The following NTNG2 variants were observed in gnomAD, a reference collection of about 807,000 sequenced individuals.
NTNG2 encodes the protein netrin-G2.
In NTNG2, 15 loss-of-function variants were observed where a neutral mutation model predicts 47.6. The observed-to-expected ratio is 0.32, with a 90% CI of 0.21 to 0.49. NTNG2 has a LOEUF of 0.49. NTNG2 is among the 20% of genes least tolerant of loss of function. The pLI is 0.99. For missense variants in NTNG2, 578 were observed against 764.6 expected (o/e 0.76, Z 2.88); for synonymous variants, 307 against 324.6 (o/e 0.95, Z 0.58).
intron 3 of NTNG2, among the ~76,000 whole-genome samples, chr9:132,211,710 C>T (rs1191632548): frequency 6.6e-6 from 1 of 152,186 alleles, no homozygotes; most frequent in Non-Finnish European, 1.5e-5. Flanking sequence ...GAGACCTGTG[C>T]AACCAGCCCC....
In NTNG2 at chr9:132,237,850, G is replaced by A. The variant is rs916268458; in HGVS notation, c.1055-1254G>A. Among the ~76,000 whole-genome samples, 6 of 152,328 alleles carry A rather than the reference G, an allele frequency of 3.9e-5. No individual in the cohort carries two copies. The East Asian group carries it at 1.2e-3, about 29-fold the overall frequency. On this transcript the variant is annotated intron_variant, in intron 5 of 7. Transcript: ENST00000393229. The stretch of plus-strand genomic sequence containing the variant: ...GTTGAAGCAGAATCTGGGACACACG[G>A]GTCACCGATGCTGCTCTTTGGGACA...
intron 2 of NTNG2, among the ~76,000 whole-genome samples, chr9:132,172,919 C>T (rs1836040337): frequency 6.6e-6 from 1 of 151,860 alleles, no homozygotes; most frequent in Non-Finnish European, 1.5e-5. Context: ...TTAGTAGAGA[C>T]GGGGTTTCAC....
intron 2 of NTNG2, among the ~76,000 whole-genome samples, chr9:132,169,734 G>A (rs769061259): frequency 3.9e-5 from 6 of 152,206 alleles, no homozygotes; most frequent in South Asian, 2.1e-4. Context: ...CAGCCCGGCC[G>A]TGCTGCCGTG....
intron 5 of NTNG2, chr9:132,233,330 TG>T (rs1440231087): frequency 7.1e-6 from 1 of 141,806 alleles, no homozygotes; most frequent in Non-Finnish European, 1.6e-5. Flanking sequence ...CACACGCACA[TG>T]TACACACACA....
chr9:132,219,742 A>G (rs1840231357), intron 3 of NTNG2, among the ~76,000 whole-genome samples: 1 of 151,994 alleles, frequency 6.6e-6, no homozygotes, highest in African/African-American at 2.4e-5. Context: ...CTGCTTACAC[A>G]TTTTGTTTTT....
intron 3 of NTNG2, among the ~76,000 whole-genome samples, chr9:132,220,632 TTAG>T (rs1358462413): frequency 6.6e-6 from 1 of 152,074 alleles, no homozygotes; most frequent in African/African-American, 2.4e-5. Flanking sequence ...TTTTGTGATT[TTAG>T]TAGAGACGGG....
intron 3 of NTNG2, among the ~76,000 whole-genome samples, chr9:132,204,893 T>C (rs576741656): frequency 6.6e-6 from 1 of 152,020 alleles, no homozygotes; most frequent in African/African-American, 2.4e-5. Flanking sequence ...CTGGGCAATA[T>C]AGTGAGACCC....
In NTNG2 at chr9:132,241,045, G is replaced by A. The variant is rs1454309371; in HGVS notation, c.1357+1G>A. On this transcript the variant is annotated splice_donor_variant, in intron 7 of 7. Transcript: ENST00000393229. LOFTEE classifies it high-confidence loss of function. Reference sequence around the variant, plus strand: ...CACTACTGGCGCCAGGGCTGCTACCGTGAGTGCGCGCCGTCCCCCGTGGGC... The same window carrying A: ...CACTACTGGCGCCAGGGCTGCTACCATGAGTGCGCGCCGTCCCCCGTGGGC... 1 of 1,595,630 alleles carries A rather than the reference G, an allele frequency of 6.3e-7. No homozygotes were observed. The highest frequency in any genetic ancestry group is 8.5e-7 in the Non-Finnish European group (1 of 1,175,468).
Position 132,226,963 on chromosome 9 carries a change from C to G in NTNG2, c.972C>G (p.Arg324=), listed in dbSNP as rs573194841. Residue 324 remains arginine (R), a synonymous_variant, in exon 4 of 8, where the codon CGC becomes CGG. Transcript: ENST00000393229. This position sits in a 1 kb window ranked among gnomAD's most constrained non-coding sequence, Gnocchi z 4.8. ...PDCGKCKKNF[R]TRSWRAGSYL... ...GCGGCAAGTGCAAGAAGAATTTCCG[C>G]ACCCGGTCCTGGCGGGCCGGCTCCT... is the stretch of plus-strand genomic sequence containing the variant. 6.2e-7 allele frequency: 1 copy of G among 1,612,318 alleles called. No homozygotes were observed.
At position 132,197,464 on chromosome 9, in the gene NTNG2, C is replaced by A. The variant is rs1838396858; in HGVS notation, c.214-502C>A. On this transcript the variant is annotated intron_variant, in intron 2 of 7. Transcript: ENST00000393229. This position sits in a 1 kb window ranked among gnomAD's most constrained non-coding sequence, Gnocchi z 4.3. Reference sequence around the variant, plus strand: ...TCAGCTAAGGAGATATTTAGAGAGTCGAGAATGTGAATGGGAATTTTTGAG... The same window carrying A: ...TCAGCTAAGGAGATATTTAGAGAGTAGAGAATGTGAATGGGAATTTTTGAG... 6.6e-6 allele frequency among the ~76,000 whole-genome samples: 1 copy of A among 152,034 alleles called. No homozygotes were observed. The highest frequency in any genetic ancestry group is 1.5e-5 in the Non-Finnish European group (1 of 67,988).
intron 3 of NTNG2, among the ~76,000 whole-genome samples, chr9:132,206,029 C>T (rs1839143052): frequency 6.6e-6 from 1 of 152,170 alleles, no homozygotes; most frequent in Admixed American, 6.5e-5. Flanking sequence ...GTTGTCTAAC[C>T]TGTCTTTGCC....
intron 5 of NTNG2, among the ~76,000 whole-genome samples, chr9:132,237,890 C>T (rs1353063200): frequency 6.6e-6 from 1 of 152,216 alleles, no homozygotes; most frequent in African/African-American, 2.4e-5. Flanking sequence ...GAGGATGCCT[C>T]ATCTCCTCAT....
In NTNG2 at chr9:132,182,423, G is replaced by T. The variant is rs762722526; in HGVS notation, c.213+15379G>T. 6.6e-6 allele frequency among the ~76,000 whole-genome samples: 1 copy of T among 152,170 alleles called. No homozygotes were observed. Among genetic ancestry groups the T allele is most frequent in the Non-Finnish European group, 1.5e-5 (1 of 68,018 alleles). On this transcript the variant is annotated intron_variant, in intron 2 of 7. Coordinates refer to ENST00000393229, the MANE Select transcript of NTNG2 (RefSeq NM_032536.4). This position sits in a 1 kb window ranked among gnomAD's most constrained non-coding sequence, Gnocchi z 4.2. The stretch of plus-strand genomic sequence containing the variant: ...TCCCCTCCCCTGCACTGGGTTGGCC[G>T]CCTCTCAGCCTAGAGGAGGGGCACT...
chr9:132,228,023 C>A (rs1840914550), intron 4 of NTNG2, among the ~76,000 whole-genome samples: 1 of 152,362 alleles, frequency 6.6e-6, no homozygotes, highest in African/African-American at 2.4e-5. Flanking sequence ...ACGGTCCCTT[C>A]TCCAGATGAG....
intron 2 of NTNG2, among the ~76,000 whole-genome samples, chr9:132,171,585 T>G (rs143921690): frequency 6.6e-6 from 1 of 152,206 alleles, no homozygotes; most frequent in African/African-American, 2.4e-5. Context: ...TCTTACTCAG[T>G]TAGAACCTGC....
At chr9:132,227,147 A>G (rs1397661209) in intron 4 of NTNG2, 126 bp downstream of exon 4, 1 of 1,045,248 alleles carries the variant, frequency 9.6e-7, no homozygotes, top group African/African-American at 1.6e-5. Flanking sequence ...GTGCACATGC[A>G]TGCAAACGTG....
intron 3 of NTNG2, among the ~76,000 whole-genome samples, chr9:132,203,594 TAA>T (rs1340930262): frequency 6.6e-6 from 1 of 152,164 alleles, no homozygotes. Flanking sequence ...AAAAGTTGTT[TAA>T]ACTCTGTGCA....
Position 132,226,950 on chromosome 9 carries a change from A to G in NTNG2, c.959A>G (p.Lys320Arg), listed in dbSNP as rs1279592259. 1 of 1,612,708 alleles carries G rather than the reference A, an allele frequency of 6.2e-7. No homozygotes were observed. The highest frequency in any genetic ancestry group is 1.3e-5 in the African/African-American group (1 of 74,912). ...NTTGPDCGKC[K>R]KNFRTRSWRA... ...ACCGGCCCCGACTGCGGCAAGTGCA[A>G]GAAGAATTTCCGCACCCGGTCCTGG... The change falls in exon 4 of 8, where the codon AAG becomes AGG. Residue 320 changes from lysine (K) to arginine (R), a missense_variant. Physicochemically the swap from Lys to Arg is conservative, Grantham distance 26. Transcript: ENST00000393229. This position sits in a 1 kb window ranked among gnomAD's most constrained non-coding sequence, Gnocchi z 4.8.
rs1248067884 is a variant in NTNG2 at position 132,162,555 on chromosome 9, TGAGAGAGAGACAGA to T, written c.-484+318_-484+331del. Among the ~76,000 whole-genome samples the T allele has an allele frequency of 2.9e-5, 4 of 139,372 alleles. No individual in the cohort carries two copies. Among genetic ancestry groups the T allele is most frequent in the Admixed American group, 7.1e-5 (1 of 14,158 alleles). The allele number at this position is 139,372 out of a possible 152,430, so 91.4% of individuals were successfully genotyped here. On this transcript the variant is annotated intron_variant, in intron 1 of 7. Coordinates refer to ENST00000393229, the MANE Select transcript of NTNG2 (RefSeq NM_032536.4). This position sits in a 1 kb window ranked among gnomAD's most constrained non-coding sequence, Gnocchi z 4.6. ...GTGAGAGTGTGTGTGTGTGTGTGTG[TGAGAGAGAGACAGA>T]GTGTGTGTGTGTGTGTGTGTGTGTG...
Sources: allele counts gnomAD v4.1 joint callset (sites outside exome capture counted in the v4.1 genomes callset), GRCh38; gene constraint gnomAD v4.1.1; non-coding constraint Gnocchi (gnomAD v3.1); transcripts MANE v1.5; gene names NCBI Gene and HGNC (gene_info 2026-07-23, HGNC 2026-07-21).